Variants in COL9A1 observed in about 807,000 individuals in gnomAD.
COL9A1 encodes collagen alpha-1(IX) chain.
A neutral mutation model predicts 142.6 loss-of-function variants in COL9A1; 104 were observed. The observed-to-expected ratio is 0.73, with a 90% CI of 0.62 to 0.86. COL9A1 has a LOEUF of 0.86. COL9A1 is among the 40% of genes least tolerant of loss of function. The pLI is 0.00. For missense variants in COL9A1, 1,210 were observed against 1,176.6 expected, an observed-to-expected ratio of 1.03 and a Z score of -0.42; for synonymous variants, 466 against 396.0, an observed-to-expected ratio of 1.18 and a Z score of -2.10.
intron 17 of COL9A1, 113 bp from the exon 18 acceptor site, chr6:70,266,883 G>T: frequency 1.2e-6 from 1 of 861,842 alleles, no homozygotes; most frequent in Non-Finnish European, 2.0e-6. Context: ...TAAGAAATGA[G>T]TTATGTCACA....
chr6:70,245,393 A>C (rs926413143), intron 28 of COL9A1, among the ~76,000 whole-genome samples: 9 of 152,196 alleles, frequency 5.9e-5, no homozygotes, highest in African/African-American at 2.2e-4. Flanking sequence ...CCAAGGTCTG[A>C]TTGTAAAAAT....
intron 28 of COL9A1, among the ~76,000 whole-genome samples, chr6:70,247,568 C>T (rs1446525716): frequency 1.3e-5 from 2 of 152,158 alleles, no homozygotes; most frequent in Non-Finnish European, 1.5e-5. Flanking sequence ...TATTAAGTGC[C>T]TCTCTCTGGC....
At chr6:70,281,263 A>G in intron 8 of COL9A1, 127 bp downstream of exon 8, 1 of 942,376 alleles carries the variant, frequency 1.1e-6, no homozygotes, top group Non-Finnish European at 1.6e-6. Flanking sequence ...CCTGCCTTTA[A>G]GTGGGGTGGC....
At chr6:70,254,930 C>T (rs200895898) in intron 24 of COL9A1, 33 bp downstream of exon 24, 2 of 1,602,498 alleles carry the variant, frequency 1.2e-6, no homozygotes, top group Non-Finnish European at 1.7e-6. Context: ...AGAGACAGCC[C>T]CACTCACTCT....
chr6:70,247,540 T>C (rs1038879487), intron 28 of COL9A1, among the ~76,000 whole-genome samples: 4 of 152,198 alleles, frequency 2.6e-5, no homozygotes, highest in African/African-American at 9.7e-5. Context: ...TAAATCACTA[T>C]ACTTAGTCTG....
At chr6:70,223,269 A>C (rs1285982016) in intron 37 of COL9A1, among the ~76,000 whole-genome samples, 1 of 152,200 alleles carries the variant, frequency 6.6e-6, no homozygotes, top group Non-Finnish European at 1.5e-5. Context: ...AATAGTATGA[A>C]CAACCAACAT....
chr6:70,283,211 TC>T, intron 6 of COL9A1: 1 of 1,463,158 alleles, frequency 6.8e-7, no homozygotes, highest in Non-Finnish European at 9.0e-7. Flanking sequence ...AGGCGCGCGT[TC>T]CCCCTGTTTA....
intron 7 of COL9A1, 105 bp downstream of exon 7, chr6:70,282,793 C>T: frequency 6.4e-7 from 1 of 1,551,476 alleles, no homozygotes. Context: ...GGTCTGAGAG[C>T]CCTGGGGATG....
At chr6:70,257,700 G>A (rs910725604) in intron 20 of COL9A1, among the ~76,000 whole-genome samples, 1 of 152,120 alleles carries the variant, frequency 6.6e-6, no homozygotes, top group Non-Finnish European at 1.5e-5. Flanking sequence ...TGAGTGGAGA[G>A]AGCACCACTG....
chr6:70,283,799 T>A lies in COL9A1; in HGVS notation c.718A>T (p.Ile240Phe). Residue 240 changes from isoleucine to phenylalanine, a missense_variant, in exon 6 of 38, where the codon ATC becomes TTC. Physicochemically the swap from Ile to Phe is conservative, Grantham distance 21. Coordinates refer to ENST00000357250, the MANE Select transcript of COL9A1 (RefSeq NM_001851.6). ...CTGGGCCGCAGGGGGTCACAATGGATCAGCATCCATTGAAGTTCAAACTGG... is the reference window on the plus strand; with the variant it reads ...CTGGGCCGCAGGGGGTCACAATGGAACAGCATCCATTGAAGTTCAAACTGG... ...SVPFELQWMLIHCDPLRPRRE... is the reference protein window; with the variant it reads ...SVPFELQWMLFHCDPLRPRRE... 1 of 1,609,454 alleles carries A rather than the reference T, an allele frequency of 6.2e-7. No homozygotes were observed. The highest frequency in any genetic ancestry group is 8.5e-7 in the Non-Finnish European group (1 of 1,177,934).
rs777744864 is a variant in COL9A1, at chr6:70,232,665, A to G, written c.2421T>C (p.Asn807=). 2.5e-6 allele frequency: 4 copies of G among 1,614,078 alleles called. No homozygotes were observed. Among genetic ancestry groups the G allele is most frequent in the South Asian group, 2.2e-5 (2 of 91,078 alleles). The change falls in exon 36 of 38, where the codon AAT becomes AAC. Residue 807 remains asparagine, a synonymous_variant. Coordinates refer to ENST00000357250, the MANE Select transcript of COL9A1 (RefSeq NM_001851.6). ...PPGPPGPPGE[N]GFPGQMGIRG... is the part of the protein sequence containing the mutation. The stretch of plus-strand genomic sequence containing the variant: ...GAATTCCCATCTGGCCTGGGAAACC[A>G]TTCTCTCCAGGAGGGCCGGGGGGAC...
intron 10 of COL9A1, among the ~76,000 whole-genome samples, chr6:70,275,594 C>T (rs914688332): frequency 1.3e-5 from 2 of 151,972 alleles, no homozygotes; most frequent in Non-Finnish European, 2.9e-5. Context: ...ATATAAAACA[C>T]GTATTAAAGA....
intron 10 of COL9A1, 103 bp downstream of exon 10, chr6:70,280,705 TTCTC>T (rs1302693352): frequency 7.4e-6 from 10 of 1,342,460 alleles, no homozygotes; most frequent in Non-Finnish European, 1.0e-5. Flanking sequence ...CCACAGCGCG[TTCTC>T]TCTCTCTCTT....
rs772577137 is a variant in COL9A1, at chr6:70,281,034, G to T, written c.882C>A (p.Asp294Glu). Reference sequence around the variant, plus strand: ...GGCCCGGGGGGCCCTTAGGACCTCGGTCACCCTGGAGGGGTAGGAGAAAAA... The same window carrying T: ...GGCCCGGGGGGCCCTTAGGACCTCGTTCACCCTGGAGGGGTAGGAGAAAAA... Reference protein sequence around the residue: ...GVPGIDGIDGDRGPKGPPGPP... With the variant: ...GVPGIDGIDGERGPKGPPGPP... The change falls in exon 9 of 38, where the codon GAC (aspartate) becomes GAA (glutamate). Residue 294 changes from aspartate to glutamate, a missense_variant. Physicochemically the swap from Asp to Glu is conservative, Grantham distance 45. Coordinates refer to ENST00000357250, the MANE Select transcript of COL9A1 (RefSeq NM_001851.6). The T allele has an allele frequency of 6.2e-7, 1 of 1,611,892 alleles. No homozygotes were observed. Among genetic ancestry groups the T allele is most frequent in the Non-Finnish European group, 8.5e-7 (1 of 1,179,236 alleles).
In COL9A1 at chr6:70,273,976, A is replaced by AAATAAAT. The variant is rs1562319121; in HGVS notation, c.1065+70_1065+71insATTTATT. On this transcript the variant is annotated intron_variant, in intron 12 of 37. Coordinates refer to ENST00000357250, the MANE Select transcript of COL9A1 (RefSeq NM_001851.6). ...ATAAATAAATAAATAAATAAATAAA[A>AAATAAAT]AGATTTCACAATGGCAGAATTTTAC... 46 of 780,166 alleles carry AAATAAAT rather than the reference A, an allele frequency of 5.9e-5. 1 individual carries two copies. The highest frequency in any genetic ancestry group is 5.4e-6 in the Non-Finnish European group (3 of 550,632). The allele number at this position is 780,166 out of a possible 1,614,324, so 48.3% of individuals were successfully genotyped here. A position where few individuals can be genotyped will look rare whatever the true frequency, so the allele number is the denominator to read the frequency against.
intron 5 of COL9A1, among the ~76,000 whole-genome samples, chr6:70,285,140 T>C (rs372229932): frequency 5.9e-5 from 9 of 152,248 alleles, no homozygotes; most frequent in Admixed American, 2.0e-4. Context: ...TTCTCAAATA[T>C]GTAATTCTCT....
At position 70,287,218 on chromosome 6, in the gene COL9A1, G is replaced by A. The variant is rs148422084; in HGVS notation, c.697-3398C>T. 2.4e-3 allele frequency among the ~76,000 whole-genome samples: 369 copies of A among 152,282 alleles called. 2 individuals are homozygous for A. The highest frequency in any genetic ancestry group is 8.6e-3 in the African/African-American group (359 of 41,554). On this transcript the variant is annotated intron_variant, in intron 5 of 37. Transcript: ENST00000357250. ...GTTACAACAACAAGTCCCAAGGGTAGGAAGTGGTATATAGAGAAGAGACCA... is the reference window on the plus strand; with the variant it reads ...GTTACAACAACAAGTCCCAAGGGTAAGAAGTGGTATATAGAGAAGAGACCA...
chr6:70,260,486 TG>T (rs1302211488), intron 20 of COL9A1, among the ~76,000 whole-genome samples, 170 bp downstream of exon 20: 1 of 148,848 alleles, frequency 6.7e-6, no homozygotes, highest in Non-Finnish European at 1.5e-5. Flanking sequence ...AGGCAGAGGT[TG>T]CAGTGAGCCA....
At position 70,293,025 on chromosome 6, in the gene COL9A1, C is replaced by A. The variant is rs138497820; in HGVS notation, c.696+1142G>T. ...ACTACCCTTCACACTAATCACAATT[C>A]TTCCCTTGAAAACAAGTTATTTGAA... On this transcript the variant is annotated intron_variant, in intron 5 of 37. Coordinates refer to ENST00000357250, the MANE Select transcript of COL9A1 (RefSeq NM_001851.6). Among the ~76,000 whole-genome samples the A allele has an allele frequency of 7.2e-4, 110 of 152,330 alleles. 1 individual carries two copies. The highest frequency in any genetic ancestry group is 2.0e-3 in the Admixed American group (30 of 15,298).
Sources: gnomAD v4.1 joint callset for allele counts (sites outside exome capture counted in the v4.1 genomes callset) on GRCh38, gnomAD v4.1.1 for gene constraint, MANE v1.5 for transcripts, NCBI Gene and HGNC (gene_info 2026-07-23, HGNC 2026-07-21) for gene names.